The following SFTPD variants were observed in gnomAD, a reference collection of about 807,000 sequenced individuals.
SFTPD encodes the protein pulmonary surfactant-associated protein D.
SFTPD carries 18 observed loss-of-function variants against 34.6 expected under a neutral mutation model. The observed-to-expected ratio is 0.52, with a 90% confidence interval of 0.36 to 0.77. The LOEUF (loss-of-function observed/expected upper bound fraction) is 0.77, where lower values mean the gene tolerates loss of function less well. SFTPD is among the 30% of genes least tolerant of loss of function. The probability of loss-of-function intolerance (pLI) is 0.00; values close to 1 mark genes in which losing one functional copy is unlikely to be tolerated. For synonymous variants in SFTPD, 155 were observed against 180.9 expected (o/e 0.86, Z 1.15); for missense variants, 433 against 468.9 (o/e 0.92, Z 0.71).
intron 2 of SFTPD, among the ~76,000 whole-genome samples, chr10:79,944,950 A>G (rs1231841377): frequency 6.6e-6 from 1 of 152,076 alleles, no homozygotes; most frequent in Admixed American, 6.5e-5. Flanking sequence ...TTTGGCCCAC[A>G]GAGACCTATT....
intron 1 of SFTPD, among the ~76,000 whole-genome samples, chr10:79,956,570 G>A (rs1842740253): frequency 6.6e-6 from 1 of 152,262 alleles, no homozygotes; most frequent in Non-Finnish European, 1.5e-5. Context: ...AGCAGTCTGA[G>A]ATCAAATTGC....
intron 2 of SFTPD, 29 bp downstream of exon 2, chr10:79,946,432 A>G: frequency 6.5e-7 from 1 of 1,542,376 alleles, no homozygotes; most frequent in Non-Finnish European, 9.0e-7. Context: ...ATTCCTCCCC[A>G]GCAGGATAAG....
chr10:79,978,276 T>C (rs765761925), intron 1 of SFTPD, among the ~76,000 whole-genome samples: 4 of 152,250 alleles, frequency 2.6e-5, no homozygotes, highest in Non-Finnish European at 5.9e-5. Flanking sequence ...AATATCCATG[T>C]GATCATCTCA....
chr10:79,964,065 C>T (rs999079960), intron 1 of SFTPD, among the ~76,000 whole-genome samples: 1 of 152,106 alleles, frequency 6.6e-6, no homozygotes, highest in African/African-American at 2.4e-5. Context: ...ATCTTCCACA[C>T]CTATCATTGA....
At chr10:79,962,336 C>T (rs773004229) in intron 1 of SFTPD, among the ~76,000 whole-genome samples, 3 of 151,980 alleles carry the variant, frequency 2.0e-5, no homozygotes, top group Non-Finnish European at 4.4e-5. Context: ...CTTTCTTAGA[C>T]AATCAATTTT....
chr10:79,939,398 G>A (rs1020078163), intron 7 of SFTPD, among the ~76,000 whole-genome samples: 1 of 152,350 alleles, frequency 6.6e-6, no homozygotes. Context: ...GTCAGCATAA[G>A]AGTTCATGTA....
At chr10:79,946,897 C>T (rs1842671388) in intron 1 of SFTPD, among the ~76,000 whole-genome samples, 1 of 152,206 alleles carries the variant, frequency 6.6e-6, no homozygotes, top group Non-Finnish European at 1.5e-5. Flanking sequence ...AGCAGCATCC[C>T]CCATTCCCAG....
chr10:79,942,845 A>G lies in SFTPD; in HGVS notation c.234T>C (p.Pro78=), dbSNP rs1842628116. 1.2e-6 allele frequency: 2 copies of G among 1,614,032 alleles called. No homozygotes were observed. Residue 78 remains proline, a synonymous_variant, in exon 3 of 8, where the codon CCT becomes CCC. Transcript: ENST00000372292. ...LPGAAGQAGM[P]GQAGPVGPKG... is the part of the protein sequence containing the mutation. ...TGGGCCCAACTGGGCCAGCTTGTCCAGGCATCCCTGCTTGCCCTGCAGCTC... is the reference window on the plus strand; with the variant it reads ...TGGGCCCAACTGGGCCAGCTTGTCCGGGCATCCCTGCTTGCCCTGCAGCTC...
rs568356895 is a variant in SFTPD, at chr10:79,947,343, G to A, written c.-3-681C>T. Among the ~76,000 whole-genome samples, 365 of 152,326 alleles carry A rather than the reference G, an allele frequency of 2.4e-3. 3 individuals are homozygous for A. Among genetic ancestry groups the A allele is most frequent in the African/African-American group, 8.2e-3 (343 of 41,578 alleles). On this transcript the variant is annotated intron_variant, in intron 1 of 7. Transcript: ENST00000372292. The stretch of plus-strand genomic sequence containing the variant: ...TTCAGAGACACTAAACTAGCAGTAG[G>A]AGAAATCCTGAGACACCTAGAGTTC...
rs1185300231 is a variant in SFTPD, at chr10:79,966,500, T to C, written c.36+16075A>G. 2.3e-5 allele frequency among the ~76,000 whole-genome samples: 3 copies of C among 127,696 alleles called. 1 individual carries two copies. Among genetic ancestry groups the C allele is most frequent in the Admixed American group, 7.7e-5 (1 of 13,012 alleles). 83.8% of individuals were successfully genotyped at this position (127,696 alleles called of 152,430 possible). Reference sequence around the variant, plus strand: ...GGATATTAGCCCTTTGTCAGATGAGTAGGTTGCGAAAATTTTCTCCCATGT... The same window carrying C: ...GGATATTAGCCCTTTGTCAGATGAGCAGGTTGCGAAAATTTTCTCCCATGT... On this transcript the variant is annotated intron_variant, in intron 1 of 5. Transcript: ENST00000444384.
intron 1 of SFTPD, among the ~76,000 whole-genome samples, chr10:79,962,445 A>T (rs1019719766): frequency 6.6e-6 from 1 of 152,132 alleles, no homozygotes; most frequent in Non-Finnish European, 1.5e-5. Context: ...TTTTATATAT[A>T]CTTACATACA....
chr10:79,965,539 CTT>C lies in SFTPD; in HGVS notation c.36+17034_36+17035del, dbSNP rs149878455. On this transcript the variant is annotated intron_variant, in intron 1 of 5. Coordinates refer to the SFTPD transcript ENST00000444384. ...TTTACCACTATTTCATTTTATTTTTCTTTTTTTTTTTTTAATTTTTTATTTTT... is the reference window on the plus strand; with the variant it reads ...TTTACCACTATTTCATTTTATTTTTCTTTTTTTTTTTAATTTTTTATTTTT... Among the ~76,000 whole-genome samples, 101 of 113,500 alleles carry C rather than the reference CTT, an allele frequency of 8.9e-4. 3 individuals are homozygous for C. The South Asian group carries it at 0.019, about 22-fold the overall frequency. The allele number at this position is 113,500 out of a possible 152,430, so 74.5% of individuals were successfully genotyped here.
At chr10:79,955,211 C>T (rs1842732132) in intron 1 of SFTPD, among the ~76,000 whole-genome samples, 1 of 152,032 alleles carries the variant, frequency 6.6e-6, no homozygotes, top group African/African-American at 2.4e-5. Flanking sequence ...GAGCTGGAAC[C>T]TTTTACTTGG....
At chr10:79,954,227 T>A (rs1393312715) in intron 1 of SFTPD, among the ~76,000 whole-genome samples, 1 of 152,178 alleles carries the variant, frequency 6.6e-6, no homozygotes. Context: ...CATGGTGTCA[T>A]GTTTGCCTGA....
chr10:79,950,957 T>G (rs1490894659), upstream of SFTPD: 1 of 152,076 alleles, frequency 6.6e-6, no homozygotes, highest in Non-Finnish European at 1.5e-5. Context: ...TTATTTCTTC[T>G]GCTTGGTCTA....
Position 79,942,016 on chromosome 10 carries a change from C to A in SFTPD, c.488G>T (p.Gly163Val). Residue 163 changes from glycine to valine, a missense_variant, in exon 5 of 8, where the codon GGC becomes GTC. Physicochemically the swap from Gly to Val is moderately radical, Grantham distance 109. Coordinates refer to ENST00000372292, the MANE Select transcript of SFTPD (RefSeq NM_003019.5). ...QGSAGARGLA[G>V]PKGERGVPGE... Reference sequence around the variant, plus strand: ...AGGGACACCTCGCTCTCCCTTAGGGCCTGCGAGGCCTCTTGCCCCTGCCGA... The same window carrying A: ...AGGGACACCTCGCTCTCCCTTAGGGACTGCGAGGCCTCTTGCCCCTGCCGA... 1 of 1,614,066 alleles carries A rather than the reference C, an allele frequency of 6.2e-7. No homozygotes were observed. The highest frequency in any genetic ancestry group is 8.5e-7 in the Non-Finnish European group (1 of 1,179,974).
chr10:79,949,001 G>A (rs1177290001), intron 1 of SFTPD, 65 bp downstream of exon 1: 1 of 152,184 alleles, frequency 6.6e-6, no homozygotes, highest in East Asian at 1.9e-4. Flanking sequence ...AATTGCCCAG[G>A]TCGGCAGAGG....
At chr10:79,956,818 C>T (rs12258656) in intron 1 of SFTPD, among the ~76,000 whole-genome samples, 8,330 of 152,230 alleles carry the variant, frequency 0.055, 557 homozygotes, top group East Asian at 0.39. Flanking sequence ...TCTCCCAGCA[C>T]GCAGCTGGAG....
chr10:79,952,809 G>T (rs1404498252), upstream of SFTPD, among the ~76,000 whole-genome samples: 1 of 152,146 alleles, frequency 6.6e-6, no homozygotes. Context: ...GAGCGAGTGT[G>T]CCTGCATGAG....
Sources: gnomAD v4.1 joint callset for allele counts (sites outside exome capture counted in the v4.1 genomes callset) on GRCh38, gnomAD v4.1.1 for gene constraint, MANE v1.5 for transcripts, NCBI Gene and HGNC (gene_info 2026-07-23, HGNC 2026-07-21) for gene names.